Variants in GAN observed in about 807,000 individuals in gnomAD.
GAN encodes the protein gigaxonin.
In GAN, 48 loss-of-function variants were observed where a neutral mutation model predicts 71.3. The observed-to-expected ratio is 0.67, with a 90% confidence interval of 0.53 to 0.86. The LOEUF (loss-of-function observed/expected upper bound fraction) is 0.86. Ranked by LOEUF, GAN falls within the 40% of genes least tolerant of loss-of-function variation. The pLI is 0.00. For synonymous variants in GAN, 386 were observed against 276.8 expected, an observed-to-expected ratio of 1.39 and a Z score of -3.92; for missense variants, 928 against 770.1, an observed-to-expected ratio of 1.21 and a Z score of -2.43.
rs1904300904 is a variant in GAN at position 81,380,754 on chromosome 16, TAGTA to T, written c.*3162_*3165del. 1 of 152,242 alleles carries T rather than the reference TAGTA, an allele frequency of 6.6e-6. No homozygotes were observed. Among genetic ancestry groups the T allele is most frequent in the Non-Finnish European group, 1.5e-5 (1 of 68,048 alleles). The allele number at this position is 152,242 out of a possible 1,614,324, so 9.4% of individuals were successfully genotyped here. On this transcript the variant is annotated 3_prime_UTR_variant, in exon 11 of 11. Transcript: ENST00000648994. ...TAAATATTGAAATATTTGTAGTTTATAGTAAGTTTTACTTGGTGTTCGCGTTTCT... is the reference window on the plus strand; with the variant it reads ...TAAATATTGAAATATTTGTAGTTTATAGTTTTACTTGGTGTTCGCGTTTCT...
At chr16:81,336,240 T>C (rs1909757142) in intron 1 of GAN, among the ~76,000 whole-genome samples, 1 of 152,206 alleles carries the variant, frequency 6.6e-6, no homozygotes, top group Non-Finnish European at 1.5e-5. Context: ...CTGAGACCTC[T>C]GGTTGTGTCT....
rs987355936 is a variant in GAN, at chr16:81,378,900, C to G, written c.*1304C>G. On this transcript the variant is annotated 3_prime_UTR_variant, in exon 11 of 11. Coordinates refer to ENST00000648994, the MANE Select transcript of GAN (RefSeq NM_022041.4). ...CGTATCTTGTAAGATATTTTGTTTT[C>G]CACTTGAATTACACCACCCTAGTGT... 1 of 152,516 alleles carries G rather than the reference C, an allele frequency of 6.6e-6. No homozygotes were observed. Among genetic ancestry groups the G allele is most frequent in the South Asian group, 2.1e-4 (1 of 4,828 alleles). 9.4% of individuals were successfully genotyped at this position (152,516 alleles called of 1,614,324 possible). A position where few individuals can be genotyped will look rare whatever the true frequency, so the allele number is the denominator to read the frequency against.
At chr16:81,322,373 G>A (rs1382601993) in intron 1 of GAN, among the ~76,000 whole-genome samples, 1 of 152,194 alleles carries the variant, frequency 6.6e-6, no homozygotes, top group Non-Finnish European at 1.5e-5. Context: ...CTAGCAAGAT[G>A]GTGGCAACCA....
chr16:81,344,047 A>C (rs1181462094), intron 1 of GAN, among the ~76,000 whole-genome samples: 2 of 152,198 alleles, frequency 1.3e-5, no homozygotes, highest in Non-Finnish European at 2.9e-5. Flanking sequence ...TAGGAATACA[A>C]CTTACAAGGG....
At position 81,386,794 on chromosome 16, in the gene GAN, A is replaced by G. The variant is rs895549690; in HGVS notation, c.*9198A>G. Reference sequence around the variant, plus strand: ...AAACCCCGTCTCTATTAAAAATACAAAATTAGCCGGGCATGGTGGCACATG... The same window carrying G: ...AAACCCCGTCTCTATTAAAAATACAGAATTAGCCGGGCATGGTGGCACATG... On this transcript the variant is annotated 3_prime_UTR_variant, in exon 11 of 11. Transcript: ENST00000648994. The G allele has an allele frequency of 2.6e-5, 4 of 152,274 alleles. No homozygotes were observed. Among genetic ancestry groups the G allele is most frequent in the African/African-American group, 9.6e-5 (4 of 41,452 alleles). 9.4% of individuals were successfully genotyped at this position (152,274 alleles called of 1,614,324 possible).
At position 81,380,498 on chromosome 16, in the gene GAN, T is replaced by G. The variant is rs1434306245; in HGVS notation, c.*2902T>G. 1 of 152,144 alleles carries G rather than the reference T, an allele frequency of 6.6e-6. No individual in the cohort carries two copies. Among genetic ancestry groups the G allele is most frequent in the Non-Finnish European group, 1.5e-5 (1 of 68,022 alleles). The allele number at this position is 152,144 out of a possible 1,614,324, so 9.4% of individuals were successfully genotyped here. A position where few individuals can be genotyped will look rare whatever the true frequency, so the allele number is the denominator to read the frequency against. ...GATTTAAGTGTTTATTGAAAGTGTT[T>G]TTTGTTTTGTTTTTGATAGTGCTTA... On this transcript the variant is annotated 3_prime_UTR_variant, in exon 11 of 11. Coordinates refer to ENST00000648994, the MANE Select transcript of GAN (RefSeq NM_022041.4).
chr16:81,375,584 C>T (rs1013878894), intron 9 of GAN, among the ~76,000 whole-genome samples: 1 of 152,036 alleles, frequency 6.6e-6, no homozygotes, highest in Admixed American at 6.5e-5. Context: ...CCTCAACCTC[C>T]CAAAGTATTG....
chr16:81,378,611 C>G lies in GAN; in HGVS notation c.*1015C>G, dbSNP rs1290035472. On this transcript the variant is annotated 3_prime_UTR_variant, in exon 11 of 11. Coordinates refer to ENST00000648994, the MANE Select transcript of GAN (RefSeq NM_022041.4). The stretch of plus-strand genomic sequence containing the variant: ...TTTACTACTGTTTAGGGTTTGAAAA[C>G]TTGTCTTAGAATGCGAATCTGTGTT... 2 of 152,612 alleles carry G rather than the reference C, an allele frequency of 1.3e-5. No individual in the cohort carries two copies. Among genetic ancestry groups the G allele is most frequent in the African/African-American group, 2.4e-5 (1 of 41,440 alleles). The allele number at this position is 152,612 out of a possible 1,614,324, so 9.5% of individuals were successfully genotyped here. A position where few individuals can be genotyped will look rare whatever the true frequency, so the allele number is the denominator to read the frequency against.
At chr16:81,338,643 T>C (rs1909844045) in intron 1 of GAN, among the ~76,000 whole-genome samples, 1 of 152,150 alleles carries the variant, frequency 6.6e-6, no homozygotes, top group African/African-American at 2.4e-5. Context: ...TATAGAGATT[T>C]AAGTTGGGAA....
chr16:81,323,340 A>G (rs777476898), intron 1 of GAN, among the ~76,000 whole-genome samples: 1 of 152,218 alleles, frequency 6.6e-6, no homozygotes, highest in Non-Finnish European at 1.5e-5. Flanking sequence ...AGGAATAGAC[A>G]TCTCATTTTT....
intron 1 of GAN, among the ~76,000 whole-genome samples, chr16:81,347,595 G>C (rs996076923): frequency 1.3e-5 from 2 of 152,134 alleles, no homozygotes; most frequent in African/African-American, 4.8e-5. Context: ...GAAGTAAATT[G>C]TTTTGTGACT....
At chr16:81,339,692 C>T (rs1043687546) in intron 1 of GAN, among the ~76,000 whole-genome samples, 5 of 152,142 alleles carry the variant, frequency 3.3e-5, no homozygotes, top group Admixed American at 1.3e-4. Context: ...TCTATTTTTA[C>T]CTACAAAGAG....
chr16:81,375,874 G>A (rs577409234), intron 9 of GAN, among the ~76,000 whole-genome samples: 29 of 151,818 alleles, frequency 1.9e-4, no homozygotes, highest in Admixed American at 1.6e-3. Flanking sequence ...GGAGGGTGGG[G>A]TGAGAGGATC....
At position 81,370,665 on chromosome 16, in the gene GAN, G is replaced by C. The variant is rs1321264612; in HGVS notation, c.1502+5187G>C. Among the ~76,000 whole-genome samples the C allele has an allele frequency of 3.9e-5, 6 of 152,382 alleles. No homozygotes were observed. The East Asian group carries it at 9.6e-4, about 24-fold the overall frequency. ...TGCATGCTGGTAGGAGCAAGCACAG[G>C]AGGAGTGAGAGGAAGGCAGCCGACA... is the stretch of plus-strand genomic sequence containing the variant. On this transcript the variant is annotated intron_variant, in intron 9 of 10. Transcript: ENST00000648994.
rs1376459833 is a variant in GAN at position 81,388,156 on chromosome 16, CTCT to C, written c.*10565_*10567del. Reference sequence around the variant, plus strand: ...TGTTCGGAGTCGTTGTTTTTACTCACTCTTCTTGGGATAGCTTTCCCACCCTGC... The same window carrying C: ...TGTTCGGAGTCGTTGTTTTTACTCACTCTTGGGATAGCTTTCCCACCCTGC... On this transcript the variant is annotated 3_prime_UTR_variant, in exon 11 of 11. Coordinates refer to ENST00000648994, the MANE Select transcript of GAN (RefSeq NM_022041.4). 1 of 152,126 alleles carries C rather than the reference CTCT, an allele frequency of 6.6e-6. No homozygotes were observed. Among genetic ancestry groups the C allele is most frequent in the Non-Finnish European group, 1.5e-5 (1 of 68,058 alleles). 9.4% of individuals were successfully genotyped at this position (152,126 alleles called of 1,614,324 possible).
intron 3 of GAN, among the ~76,000 whole-genome samples, chr16:81,355,259 G>C (rs191796604): frequency 3.9e-5 from 6 of 152,196 alleles, no homozygotes; most frequent in Admixed American, 2.6e-4. Context: ...TGGCAGTGCA[G>C]TTTCAAGAGG....
At chr16:81,374,499 A>G (rs1597412192) in intron 9 of GAN, among the ~76,000 whole-genome samples, 1 of 152,150 alleles carries the variant, frequency 6.6e-6, no homozygotes, top group Admixed American at 6.5e-5. Context: ...TGCATTTATT[A>G]ATTGGAATTT....
chr16:81,346,304 C>T (rs942368381), intron 1 of GAN, among the ~76,000 whole-genome samples: 12 of 152,184 alleles, frequency 7.9e-5, no homozygotes, highest in Non-Finnish European at 2.9e-5. Flanking sequence ...CCAGAGCTGA[C>T]TTATTAGGAC....
chr16:81,326,489 C>T (rs1027694464), intron 1 of GAN, among the ~76,000 whole-genome samples: 2 of 152,102 alleles, frequency 1.3e-5, no homozygotes, highest in South Asian at 2.1e-4. Flanking sequence ...GACGAGATCG[C>T]GCCATTGCGC....
Sources: allele counts gnomAD v4.1 joint callset (sites outside exome capture counted in the v4.1 genomes callset), GRCh38; gene constraint gnomAD v4.1.1; transcripts MANE v1.5; gene names NCBI Gene and HGNC (gene_info 2026-07-23, HGNC 2026-07-21).